Variants in MUC4 observed in about 807,000 individuals in gnomAD.
MUC4 encodes the protein mucin 4, cell surface associated.
Under a neutral mutation model 257.9 loss-of-function variants are expected in MUC4, and 202 were observed. The observed-to-expected ratio is 0.78, with a 90% CI of 0.70 to 0.88. The LOEUF is 0.88. Ranked by LOEUF, MUC4 falls within the 40% of genes least tolerant of loss-of-function variation. MUC4 has a pLI of 0.00. For synonymous variants in MUC4, 2,351 were observed against 2,757.1 expected (o/e 0.85, Z 4.62); for missense variants, 5,976 against 6,513.7 (o/e 0.92, Z 2.84).
intron 1 of MUC4, among the ~76,000 whole-genome samples, chr3:195,804,845 T>C (rs1735777275): frequency 6.6e-6 from 1 of 152,226 alleles, no homozygotes; most frequent in Non-Finnish European, 1.5e-5. Flanking sequence ...ACCAGGGTTG[T>C]GTCCACTGGG....
chr3:195,761,985 G>T (rs1025091875), intron 14 of MUC4, 102 bp downstream of exon 14: 92 of 1,327,174 alleles, frequency 6.9e-5, no homozygotes, highest in Non-Finnish European at 9.1e-5. Context: ...CCAAGGAGGC[G>T]GAGAAAGGGA....
Position 195,755,648 on chromosome 3 carries a change from C to T in MUC4, c.15169-1276G>A, listed in dbSNP as rs1402228317. Among the ~76,000 whole-genome samples, 7 of 152,072 alleles carry T rather than the reference C, an allele frequency of 4.6e-5. No individual in the cohort carries two copies. Among genetic ancestry groups the T allele is most frequent in the Non-Finnish European group, 1.0e-4 (7 of 68,014 alleles). On this transcript the variant is annotated intron_variant, in intron 18 of 24. Transcript: ENST00000463781. This position sits in a 1 kb window ranked among gnomAD's most constrained non-coding sequence, Gnocchi z 5.0. Reference sequence around the variant, plus strand: ...CCCCTTTCTAACTCCCTTACTGAAGCGACTCGGGGAATCTCCCTAAAATGG... The same window carrying T: ...CCCCTTTCTAACTCCCTTACTGAAGTGACTCGGGGAATCTCCCTAAAATGG...
chr3:195,747,925 C>T (rs1453560728), intron 24 of MUC4, among the ~76,000 whole-genome samples: 1 of 152,266 alleles, frequency 6.6e-6, no homozygotes, highest in Non-Finnish European at 1.5e-5. Context: ...ACCTGGGCGG[C>T]AGGGATGCCG....
In MUC4 at chr3:195,789,352, G is replaced by C. The variant is rs1417450264; in HGVS notation, c.2228C>G (p.Ser743Cys). 6.2e-7 allele frequency: 1 copy of C among 1,613,952 alleles called. No individual in the cohort carries two copies. ...TGGGCCCCCTGGTGTTGACACTACAGAGTTGGCCAGAGTAAGGGCACCTGT... is the reference window on the plus strand; with the variant it reads ...TGGGCCCCCTGGTGTTGACACTACACAGTTGGCCAGAGTAAGGGCACCTGT... ...SKTGALTLANSVVSTPGGPEG... is the reference protein window; with the variant it reads ...SKTGALTLANCVVSTPGGPEG... The change falls in exon 2 of 25, where the codon TCT becomes TGT. Residue 743 changes from serine to cysteine, a missense_variant. By Grantham distance (112) the Ser-to-Cys change is moderately radical. Around this residue, in one of 44 missense-constraint regions of MUC4, gnomAD observed 1,583 missense variants for 1,257.4 expected, o/e 1.26. Coordinates refer to ENST00000463781, the MANE Select transcript of MUC4 (RefSeq NM_018406.7).
chr3:195,774,105 G>T (rs924940068), intron 4 of MUC4, 67 bp downstream of exon 4: 4 of 1,494,586 alleles, frequency 2.7e-6, no homozygotes, highest in Non-Finnish European at 3.6e-6. Flanking sequence ...TCTGGGTTCC[G>T]TCTCGAAGCA....
Position 195,764,995 on chromosome 3 carries a change from A to G in MUC4, c.13924+2T>C. 1 of 1,613,418 alleles carries G rather than the reference A, an allele frequency of 6.2e-7. No individual in the cohort carries two copies. The highest frequency in any genetic ancestry group is 8.5e-7 in the Non-Finnish European group (1 of 1,179,758). On this transcript the variant is annotated splice_donor_variant, in intron 10 of 24. Transcript: ENST00000463781. LOFTEE classifies it high-confidence loss of function. Reference sequence around the variant, plus strand: ...TGGGGTTGAGATCACGGACTCACGCACCCAACTGCCAAGGACGCTGCACGT... The same window carrying G: ...TGGGGTTGAGATCACGGACTCACGCGCCCAACTGCCAAGGACGCTGCACGT...
rs761009000 is a variant in MUC4 at position 195,779,335 on chromosome 3, G to A, written c.12245C>T (p.Pro4082Leu). 24 of 1,076,568 alleles carry A rather than the reference G, an allele frequency of 2.2e-5. 9 individuals carry two copies. The highest frequency in any genetic ancestry group is 1.5e-4 in the African/African-American group (7 of 46,702). 66.7% of individuals were successfully genotyped at this position (1,076,568 alleles called of 1,614,324 possible). ...SASRGDTSTL[P>L]VTDASSASTG... ...GGATGCTGAGGAAGCATCGGTGACAGGAAGAGTGCTGGTGTCACCTCTGGA... is the reference window on the plus strand; with the variant it reads ...GGATGCTGAGGAAGCATCGGTGACAAGAAGAGTGCTGGTGTCACCTCTGGA... Residue 4082 changes from proline to leucine, a missense_variant, in exon 2 of 25, where the codon CCT becomes CTT. Transcript: ENST00000463781.
chr3:195,751,474 T>C (rs1716427920), intron 21 of MUC4: 1 of 606,556 alleles, frequency 1.6e-6, no homozygotes, highest in African/African-American at 1.8e-5. Context: ...ATAATGTTTG[T>C]TGAGAGTGAA....
At chr3:195,802,450 G>A (rs542173358) in intron 1 of MUC4, among the ~76,000 whole-genome samples, 2 of 113,822 alleles carry the variant, frequency 1.8e-5, no homozygotes, top group East Asian at 5.8e-4. Context: ...CCAGGAGGGA[G>A]GGTTGCTGCT....
chr3:195,801,106 A>G (rs1379902666), intron 1 of MUC4, among the ~76,000 whole-genome samples: 1 of 152,228 alleles, frequency 6.6e-6, no homozygotes, highest in Non-Finnish European at 1.5e-5. Context: ...AGCCTTGATC[A>G]AGTTTTATTC....
chr3:195,810,597 A>G lies in MUC4; in HGVS notation c.82+1139T>C, dbSNP rs1431358633. On this transcript the variant is annotated intron_variant, in intron 1 of 24. Coordinates refer to ENST00000463781, the MANE Select transcript of MUC4 (RefSeq NM_018406.7). This position sits in a 1 kb window ranked among gnomAD's most constrained non-coding sequence, Gnocchi z 4.2. The stretch of plus-strand genomic sequence containing the variant: ...AGCCCCAGGCAAGGCCGTGACCCAA[A>G]TGGAGGCTTTTAAACCCGAGCTCAG... Among the ~76,000 whole-genome samples the G allele has an allele frequency of 1.3e-5, 2 of 151,954 alleles. No homozygotes were observed. Among genetic ancestry groups the G allele is most frequent in the Non-Finnish European group, 2.9e-5 (2 of 67,978 alleles).
chr3:195,778,169 C>T, intron 3 of MUC4, 134 bp downstream of exon 3: 2 of 1,224,240 alleles, frequency 1.6e-6, no homozygotes, highest in South Asian at 3.3e-5. Context: ...TCAGGAGCGA[C>T]TCCGATGCTG....
At chr3:195,761,863 G>A (rs1719003151) in intron 14 of MUC4, among the ~76,000 whole-genome samples, 1 of 152,138 alleles carries the variant, frequency 6.6e-6, no homozygotes, top group Non-Finnish European at 1.5e-5. Flanking sequence ...CCGCCTCCCC[G>A]CAGCCCCCCC....
At chr3:195,767,567 C>CCATCAT (rs1560261808) in intron 7 of MUC4, among the ~76,000 whole-genome samples, 8 of 109,312 alleles carry the variant, frequency 7.3e-5, no homozygotes, top group South Asian at 5.2e-4. Flanking sequence ...ACCATTGCCA[C>CCATCAT]CACCATCACC....
chr3:195,789,369 G>A lies in MUC4; in HGVS notation c.2211C>T (p.Ala737=), dbSNP rs775334200. 1.9e-6 allele frequency: 3 copies of A among 1,613,878 alleles called. No individual in the cohort carries two copies. The highest frequency in any genetic ancestry group is 2.5e-6 in the Non-Finnish European group (3 of 1,179,872). ...ACACTACAGAGTTGGCCAGAGTAAG[G>A]GCACCTGTTTTGGAAAGTGACGTGC... ...SGGTSLSKTG[A]LTLANSVVST... is the part of the protein sequence containing the mutation. Residue 737 remains alanine (A), a synonymous_variant, in exon 2 of 25, where the codon GCC becomes GCT. Transcript: ENST00000463781.
chr3:195,800,487 T>C (rs1384542102), intron 1 of MUC4, among the ~76,000 whole-genome samples: 2 of 152,170 alleles, frequency 1.3e-5, no homozygotes, highest in African/African-American at 2.4e-5. Flanking sequence ...CTGTTGGGCT[T>C]GTGAGGAGGA....
chr3:195,766,851 C>T, intron 7 of MUC4, 100 bp from the exon 8 acceptor site: 7 of 1,075,304 alleles, frequency 6.5e-6, no homozygotes, highest in Non-Finnish European at 9.8e-6. Context: ...AGCAGCTGGT[C>T]AACCAGCTAG....
chr3:195,767,463 T>TCACCATC (rs1720833379), intron 7 of MUC4, among the ~76,000 whole-genome samples: 4 of 37,270 alleles, frequency 1.1e-4, no homozygotes, highest in East Asian at 9.9e-4. Context: ...CCACCAACAC[T>TCACCATC]ACCACCACCA....
Position 195,767,604 on chromosome 3 carries a change from C to T in MUC4, c.13530-853G>A, listed in dbSNP as rs1342668207. Among the ~76,000 whole-genome samples the T allele has an allele frequency of 8.3e-4, 77 of 92,372 alleles. 1 individual carries two copies. Among genetic ancestry groups the T allele is most frequent in the Non-Finnish European group, 1.5e-3 (63 of 41,864 alleles). 60.6% of individuals were successfully genotyped at this position (92,372 alleles called of 152,430 possible). On this transcript the variant is annotated intron_variant, in intron 7 of 24. Transcript: ENST00000463781. ...CCACCATCACCACCACCACCATCATCACCATTGCCACCACCATCACCACCA... is the reference window on the plus strand; with the variant it reads ...CCACCATCACCACCACCACCATCATTACCATTGCCACCACCATCACCACCA...
Sources: gnomAD v4.1 joint callset for allele counts (sites outside exome capture counted in the v4.1 genomes callset) on GRCh38, gnomAD v4.1.1 for gene constraint, gnomAD v4.1.1 regional missense constraint, Gnocchi (gnomAD v3.1) non-coding constraint, MANE v1.5 for transcripts, NCBI Gene and HGNC (gene_info 2026-07-23, HGNC 2026-07-21) for gene names.